Variants in NRXN2 observed in about 807,000 individuals in gnomAD.
The protein encoded by NRXN2 is neurexin-2-beta.
In NRXN2, 29 loss-of-function variants were observed where a neutral mutation model predicts 128.8. The observed-to-expected ratio is 0.23, with a 90% confidence interval of 0.17 to 0.31. NRXN2 has a LOEUF of 0.31. Among genes scored for constraint, NRXN2 ranks in the 10% least tolerant of loss-of-function variants. NRXN2 has a pLI of 1.00. For missense variants in NRXN2, 1,881 were observed against 2,452.6 expected, an observed-to-expected ratio of 0.77 and a Z score of 4.92; for synonymous variants, 1,098 against 1,075.2, an observed-to-expected ratio of 1.02 and a Z score of -0.41.
Position 64,608,001 on chromosome 11 carries a change from G to T in NRXN2, c.4334C>A (p.Pro1445Gln), listed in dbSNP as rs865886889. The change falls in exon 23 of 23, where the codon CCG becomes CAG. Residue 1445 changes from proline (P) to glutamine (Q), a missense_variant. By Grantham distance (76) the Pro-to-Gln change is moderately conservative. Coordinates refer to ENST00000265459, the MANE Select transcript of NRXN2 (RefSeq NM_015080.4). ...PVATRSPFVP[P>Q]PPTFYPFLTG... ...GAGGAAGGGGTAGAAGGTAGGGGGCGGGGGCACGAAGGGGGATCGGGTGGC... is the reference window on the plus strand; with the variant it reads ...GAGGAAGGGGTAGAAGGTAGGGGGCTGGGGCACGAAGGGGGATCGGGTGGC... 1 of 1,534,736 alleles carries T rather than the reference G, an allele frequency of 6.5e-7. No homozygotes were observed. Among genetic ancestry groups the T allele is most frequent in the Non-Finnish European group, 8.8e-7 (1 of 1,137,026 alleles).
rs775062327 is a variant in NRXN2, at chr11:64,661,049, C to T, written c.1889G>A (p.Gly630Asp). Residue 630 changes from glycine to aspartate, a missense_variant, in exon 10 of 23, where the codon GGT (glycine) becomes GAT (aspartate). By Grantham distance (94) the Gly-to-Asp change is moderately conservative. This residue lies in a region of NRXN2 where 997 missense variants were observed against 1,240.8 expected (regional missense o/e 0.80). Transcript: ENST00000265459. ...GTCCACCCGGCCCCCCTCAGGGAGACCGCCCAGGTACAGCTCACTCTCCAG... is the reference window on the plus strand; with the variant it reads ...GTCCACCCGGCCCCCCTCAGGGAGATCGCCCAGGTACAGCTCACTCTCCAG... ...LDLESELYLG[G>D]LPEGGRVDLP... is the part of the protein sequence containing the mutation. 1 of 1,613,534 alleles carries T rather than the reference C, an allele frequency of 6.2e-7. No homozygotes were observed. Among genetic ancestry groups the T allele is most frequent in the African/African-American group, 1.3e-5 (1 of 75,058 alleles).
In NRXN2 at chr11:64,648,681, T is replaced by G; in HGVS notation, c.3283+53A>C. 6.2e-7 allele frequency: 1 copy of G among 1,608,566 alleles called. No individual in the cohort carries two copies. Among genetic ancestry groups the G allele is most frequent in the Non-Finnish European group, 8.5e-7 (1 of 1,176,734 alleles). On this transcript the variant is annotated intron_variant, in intron 16 of 22. Transcript: ENST00000265459. The surrounding 1 kb of genome is among the most constrained non-coding windows in gnomAD (Gnocchi z 4.1). Reference sequence around the variant, plus strand: ...ACCTGCCCCGGTCTGCCTCTGCAGCTGGCCATCCTGTAGCCAGTAGGGCCA... The same window carrying G: ...ACCTGCCCCGGTCTGCCTCTGCAGCGGGCCATCCTGTAGCCAGTAGGGCCA...
chr11:64,643,979 T>A (rs2046252966), intron 17 of NRXN2, among the ~76,000 whole-genome samples: 1 of 147,060 alleles, frequency 6.8e-6, no homozygotes, highest in Non-Finnish European at 1.5e-5. Context: ...CACACTGAGA[T>A]GTGTATCGGC....
At chr11:64,636,936 G>A (rs1275814374) in intron 17 of NRXN2, among the ~76,000 whole-genome samples, 1 of 152,148 alleles carries the variant, frequency 6.6e-6, no homozygotes, top group Non-Finnish European at 1.5e-5. Flanking sequence ...GGACCCCAAA[G>A]GGGAGGGGCT....
Position 64,610,598 on chromosome 11 carries a change from T to C in NRXN2, c.4253-2516A>G, listed in dbSNP as rs560357213. Among the ~76,000 whole-genome samples the C allele has an allele frequency of 1.4e-4, 22 of 152,228 alleles. 1 individual carries two copies. In the South Asian group the frequency reaches 4.3e-3, roughly 30 times the overall value. ...GTTTCTTCCAGTCTCTAGGCCTCAG[T>C]TTCCTCATCTATAAAACTGGGGTAT... On this transcript the variant is annotated intron_variant, in intron 22 of 22. Coordinates refer to ENST00000265459, the MANE Select transcript of NRXN2 (RefSeq NM_015080.4).
chr11:64,634,002 G>A (rs1565237390), intron 18 of NRXN2, among the ~76,000 whole-genome samples: 1 of 152,158 alleles, frequency 6.6e-6, no homozygotes, highest in Non-Finnish European at 1.5e-5. Flanking sequence ...TGGTGTTGGG[G>A]TGGGGTGCAG....
chr11:64,663,786 A>C (rs1490797082), intron 9 of NRXN2, among the ~76,000 whole-genome samples: 1 of 152,216 alleles, frequency 6.6e-6, no homozygotes, highest in East Asian at 1.9e-4. Flanking sequence ...GGAAAAGAAC[A>C]ACCCAAGCAT....
intron 22 of NRXN2, among the ~76,000 whole-genome samples, chr11:64,615,928 G>A (rs1263089976): frequency 3.9e-5 from 6 of 152,004 alleles, no homozygotes; most frequent in Admixed American, 6.6e-5. Flanking sequence ...GCATATGTGT[G>A]TACATATGTA....
At chr11:64,661,223 T>C in intron 9 of NRXN2, 84 bp from the exon 10 acceptor site, 1 of 1,594,142 alleles carries the variant, frequency 6.3e-7, no homozygotes, top group South Asian at 1.1e-5. Context: ...CCCCCCACCT[T>C]GTGTGGGCCC....
intron 21 of NRXN2, 96 bp from the exon 22 acceptor site, chr11:64,620,468 C>G: frequency 1.1e-6 from 1 of 940,184 alleles, no homozygotes; most frequent in Non-Finnish European, 1.7e-6. Flanking sequence ...ACGGGGGATG[C>G]CCCTGGGCTG....
At position 64,626,445 on chromosome 11, in the gene NRXN2, T is replaced by C. The variant is rs925702727; in HGVS notation, c.3847+18A>G. 2 of 1,567,054 alleles carry C rather than the reference T, an allele frequency of 1.3e-6. No homozygotes were observed. The highest frequency in any genetic ancestry group is 1.4e-5 in the African/African-American group (1 of 73,882). On this transcript the variant is annotated intron_variant, in intron 20 of 22. Coordinates refer to ENST00000265459, the MANE Select transcript of NRXN2 (RefSeq NM_015080.4). ...TTTTTAAAGTTAATTAATTAATTAATTAATTCTGGTTAATTACCTTTGTCG... is the reference window on the plus strand; with the variant it reads ...TTTTTAAAGTTAATTAATTAATTAACTAATTCTGGTTAATTACCTTTGTCG...
At chr11:64,653,530 C>T (rs2047788794) in intron 12 of NRXN2, among the ~76,000 whole-genome samples, 166 bp downstream of exon 12, 1 of 152,028 alleles carries the variant, frequency 6.6e-6, no homozygotes, top group Admixed American at 6.6e-5. Flanking sequence ...CTTCCACAAC[C>T]ACCCAACCTC....
intron 7 of NRXN2, among the ~76,000 whole-genome samples, chr11:64,673,589 C>G (rs1274395022): frequency 1.3e-5 from 2 of 152,194 alleles, no homozygotes. Flanking sequence ...CAGTATTGCT[C>G]ATGCAGGAAA....
At chr11:64,665,463 C>T (rs761731403) in intron 9 of NRXN2, among the ~76,000 whole-genome samples, 12 of 152,314 alleles carry the variant, frequency 7.9e-5, no homozygotes, top group African/African-American at 2.4e-4. Flanking sequence ...AAGGCTTGGG[C>T]AGACGTCCAA....
intron 11 of NRXN2, among the ~76,000 whole-genome samples, chr11:64,657,457 C>T (rs1285686790): frequency 1.3e-5 from 2 of 152,214 alleles, no homozygotes; most frequent in South Asian, 2.1e-4. Flanking sequence ...TTTTGTTTTC[C>T]TTCAAGAAGG....
intron 17 of NRXN2, among the ~76,000 whole-genome samples, chr11:64,637,653 G>A (rs879377977): frequency 1.3e-5 from 2 of 152,136 alleles, no homozygotes; most frequent in African/African-American, 4.8e-5. Flanking sequence ...ATCAGAGGCT[G>A]CAGCCTCTTC....
rs2040815107 is a variant in NRXN2, at chr11:64,612,435, G to T, written c.4253-4353C>A. Among the ~76,000 whole-genome samples, 4 of 152,168 alleles carry T rather than the reference G, an allele frequency of 2.6e-5. No homozygotes were observed. In the South Asian group the frequency reaches 8.3e-4, roughly 32 times the overall value. On this transcript the variant is annotated intron_variant, in intron 22 of 22. Transcript: ENST00000265459. ...CAGCATTTGGAAAATACTCACAGGTGCACACTTAGCACAGATGCCACCCGC... is the reference window on the plus strand; with the variant it reads ...CAGCATTTGGAAAATACTCACAGGTTCACACTTAGCACAGATGCCACCCGC...
chr11:64,638,767 C>T (rs574908115), intron 17 of NRXN2, among the ~76,000 whole-genome samples: 2 of 152,300 alleles, frequency 1.3e-5, no homozygotes, highest in South Asian at 4.1e-4. Context: ...ACACCTGAAG[C>T]CTAAGGCAAG....
intron 1 of NRXN2, among the ~76,000 whole-genome samples, chr11:64,716,807 C>A (rs1469599716): frequency 6.6e-6 from 1 of 152,148 alleles, no homozygotes; most frequent in Non-Finnish European, 1.5e-5. Flanking sequence ...GATCCACAGA[C>A]CCTTGGGGCA....
Sources: allele counts gnomAD v4.1 joint callset (sites outside exome capture counted in the v4.1 genomes callset), GRCh38; gene constraint gnomAD v4.1.1; regional missense constraint gnomAD v4.1.1; non-coding constraint Gnocchi (gnomAD v3.1); transcripts MANE v1.5; gene names NCBI Gene and HGNC (gene_info 2026-07-23, HGNC 2026-07-21).